CFI: variants seen among roughly 807,000 people sequenced by gnomAD.
The protein encoded by CFI is C3B/C4B inactivator.
Under a neutral mutation model 78.8 loss-of-function variants are expected in CFI, and 66 were observed. That is an observed-to-expected ratio of 0.84 (90% CI 0.69 to 1.03). The LOEUF is 1.03. Ranked by LOEUF, CFI falls within the 50% of genes least tolerant of loss-of-function variation. The pLI is 0.00. For missense variants in CFI, 706 were observed against 704.5 expected (o/e 1.00, Z -0.02); for synonymous variants, 250 against 232.6 (o/e 1.07, Z -0.68).
At chr4:109,756,933 GAA>G (rs1316300555) in intron 7 of CFI, among the ~76,000 whole-genome samples, 1 of 146,492 alleles carries the variant, frequency 6.8e-6, no homozygotes. Flanking sequence ...AAGAAAGAAA[GAA>G]AGAAAGAAAG....
At chr4:109,764,283 G>A in intron 3 of CFI, 1 of 533,184 alleles carries the variant, frequency 1.9e-6, no homozygotes, top group Non-Finnish European at 3.4e-6. Flanking sequence ...GAATGTGTTT[G>A]TGACTCTCAG....
chr4:109,778,192 G>A (rs1163455743), intron 1 of CFI, among the ~76,000 whole-genome samples: 1 of 152,172 alleles, frequency 6.6e-6, no homozygotes, highest in Non-Finnish European at 1.5e-5. Flanking sequence ...ATGAATCCAG[G>A]AGATGGTTTT....
At chr4:109,784,829 C>A (rs1201552478) in intron 1 of CFI, among the ~76,000 whole-genome samples, 1 of 152,048 alleles carries the variant, frequency 6.6e-6, no homozygotes, top group African/African-American at 2.4e-5. Flanking sequence ...GGCCTCTGAG[C>A]CCAAGCTAAG....
chr4:109,776,831 G>A (rs1239065074), intron 1 of CFI, among the ~76,000 whole-genome samples: 2 of 152,206 alleles, frequency 1.3e-5, no homozygotes, highest in Non-Finnish European at 2.9e-5. Context: ...CATTCTTAAA[G>A]AAAAGAATTT....
chr4:109,758,056 ATAGT>A (rs1726548233), intron 6 of CFI: 4 of 901,518 alleles, frequency 4.4e-6, no homozygotes, highest in Non-Finnish European at 6.3e-6. Context: ...GTACAACTTA[ATAGT>A]TAGAAGCATT....
chr4:109,781,111 C>T (rs930438114), intron 1 of CFI, among the ~76,000 whole-genome samples: 3 of 151,982 alleles, frequency 2.0e-5, no homozygotes, highest in Non-Finnish European at 2.9e-5. Flanking sequence ...CAAAACTGCA[C>T]GTTGTGCACA....
chr4:109,788,587 G>A (rs1323277651), intron 1 of CFI, among the ~76,000 whole-genome samples: 1 of 151,904 alleles, frequency 6.6e-6, no homozygotes, highest in East Asian at 1.9e-4. Flanking sequence ...TCTGGAATAT[G>A]AATTGCAAAA....
chr4:109,793,846 A>C (rs1021791263), intron 1 of CFI: 1 of 152,240 alleles, frequency 6.6e-6, no homozygotes, highest in Admixed American at 6.5e-5. Flanking sequence ...CATTTCCTGT[A>C]GGACAGGTCT....
At chr4:109,783,811 T>TAATATATATATATATATATATATATA (rs750346105) in intron 1 of CFI, among the ~76,000 whole-genome samples, 41 of 105,814 alleles carry the variant, frequency 3.9e-4, no homozygotes, top group Middle Eastern at 5.2e-3. Context: ...AAAGAAACTG[T>TAATATATATATATATATATATATATA]GATATATATA....
chr4:109,783,812 G>GATATATATATATATATATATAT lies in CFI; in HGVS notation c.58-17010_58-16989dup, dbSNP rs34128338. The stretch of plus-strand genomic sequence containing the variant: ...TTCAATGAGTGGATAAAGAAACTGT[G>GATATATATATATATATATATAT]ATATATATATATATATATATATGAT... On this transcript the variant is annotated intron_variant, in intron 1 of 12. Coordinates refer to ENST00000394634, the MANE Select transcript of CFI (RefSeq NM_000204.5). 9.0e-4 allele frequency among the ~76,000 whole-genome samples: 102 copies of GATATATATATATATATATATAT among 112,986 alleles called. 2 individuals are homozygous for GATATATATATATATATATATAT. The highest frequency in any genetic ancestry group is 9.4e-3 in the Middle Eastern group (2 of 212). 74.1% of individuals were successfully genotyped at this position (112,986 alleles called of 152,430 possible).
intron 6 of CFI, among the ~76,000 whole-genome samples, chr4:109,759,686 G>A (rs1726782604): frequency 6.6e-6 from 1 of 152,108 alleles, no homozygotes; most frequent in Admixed American, 6.6e-5. Flanking sequence ...TCTGAGGTCA[G>A]GAGTTTGAGA....
downstream of CFI, among the ~76,000 whole-genome samples, chr4:109,738,821 A>G (rs185949998): frequency 6.6e-6 from 1 of 152,324 alleles, no homozygotes; most frequent in East Asian, 1.9e-4. Context: ...CTCTGGTCCA[A>G]TCCTGTCTGA....
intron 8 of CFI, 109 bp downstream of exon 8, chr4:109,752,359 T>C: frequency 1.1e-6 from 1 of 946,842 alleles, no homozygotes; most frequent in Non-Finnish European, 1.7e-6. Context: ...TTAATTTAAA[T>C]TGATACCAAA....
chr4:109,748,264 T>C (rs72674874), intron 10 of CFI, among the ~76,000 whole-genome samples: 35,931 of 152,120 alleles, frequency 0.24, 4,479 homozygotes, highest in Middle Eastern at 0.34. Context: ...ATTTAGTCAA[T>C]TTATTCAACA....
At chr4:109,757,916 C>A in intron 6 of CFI, 133 bp from the exon 7 acceptor site, 1 of 1,418,414 alleles carries the variant, frequency 7.1e-7, no homozygotes, top group Non-Finnish European at 9.5e-7. Context: ...TATAATTTTT[C>A]TATTATAAAA....
chr4:109,770,633 GA>G (rs370657391), intron 1 of CFI, among the ~76,000 whole-genome samples: 5,440 of 78,242 alleles, frequency 0.07, 146 homozygotes, highest in Admixed American at 0.17. Context: ...ACACAGACCA[GA>G]AAAAAAAAAA....
chr4:109,778,809 A>T (rs1455707954), intron 1 of CFI, among the ~76,000 whole-genome samples: 1 of 152,228 alleles, frequency 6.6e-6, no homozygotes, highest in African/African-American at 2.4e-5. Context: ...CATCCCTGGG[A>T]TGCAAGGCTG....
Position 109,790,558 on chromosome 4 carries a change from T to C in CFI, c.57+11357A>G, listed in dbSNP as rs1731251116. ...CCCAGGTATTAAGCCTAGTAACCAT[T>C]AGTTATTTTTCCTGATGCTCTTCCT... is the stretch of plus-strand genomic sequence containing the variant. On this transcript the variant is annotated intron_variant, in intron 1 of 12. Coordinates refer to ENST00000394634, the MANE Select transcript of CFI (RefSeq NM_000204.5). Among the ~76,000 whole-genome samples, 3 of 152,142 alleles carry C rather than the reference T, an allele frequency of 2.0e-5. No homozygotes were observed. In the South Asian group the frequency reaches 6.2e-4, roughly 32 times the overall value.
chr4:109,785,011 A>G (rs1402822859), intron 1 of CFI, among the ~76,000 whole-genome samples: 1 of 151,966 alleles, frequency 6.6e-6, no homozygotes, highest in East Asian at 1.9e-4. Context: ...ACTTTGTGAT[A>G]TTCACCCCCG....
Sources: gnomAD v4.1 joint callset for allele counts (sites outside exome capture counted in the v4.1 genomes callset) on GRCh38, gnomAD v4.1.1 for gene constraint, MANE v1.5 for transcripts, NCBI Gene and HGNC (gene_info 2026-07-23, HGNC 2026-07-21) for gene names.